Variants in ALPL observed in about 807,000 individuals in gnomAD.
ALPL encodes alkaline phosphatase, biomineralization associated.
Under a neutral mutation model 51.3 loss-of-function variants are expected in ALPL, and 42 were observed. That is an observed-to-expected ratio of 0.82 (90% CI 0.64 to 1.06). The LOEUF (loss-of-function observed/expected upper bound fraction) is 1.06. Ranked by LOEUF, ALPL falls within the 50% of genes least tolerant of loss-of-function variation. The probability of loss-of-function intolerance (pLI) is 0.00; values close to 1 mark genes in which losing one functional copy is unlikely to be tolerated. For missense variants in ALPL, 589 were observed against 709.4 expected (o/e 0.83, Z 1.93); for synonymous variants, 279 against 296.4 (o/e 0.94, Z 0.60).
In ALPL at chr1:21,564,069, G is replaced by A. The variant is rs1360689966; in HGVS notation, c.501G>A (p.Thr167=). ...AGKSVGIVTT[T]RVNHATPSAA... is the part of the protein sequence containing the mutation. ...AATCTGTGGGCATTGTGACCACCACGAGAGTGAACCATGCCACCCCCAGCG... is the reference window on the plus strand; with the variant it reads ...AATCTGTGGGCATTGTGACCACCACAAGAGTGAACCATGCCACCCCCAGCG... The change falls in exon 6 of 12, where the codon ACG becomes ACA. Residue 167 remains threonine, a synonymous_variant. Coordinates refer to ENST00000374840, the MANE Select transcript of ALPL (RefSeq NM_000478.6). This position sits in a 1 kb window ranked among gnomAD's most constrained non-coding sequence, Gnocchi z 5.8. 2.0e-5 allele frequency: 32 copies of A among 1,613,868 alleles called. No homozygotes were observed. Among genetic ancestry groups the A allele is most frequent in the South Asian group, 6.6e-5 (6 of 91,088 alleles).
intron 1 of ALPL, among the ~76,000 whole-genome samples, chr1:21,514,262 A>G (rs1037629788): frequency 1.3e-5 from 2 of 152,106 alleles, no homozygotes; most frequent in Non-Finnish European, 2.9e-5. Context: ...GGGGACAGGC[A>G]TCGCTGGGTA....
chr1:21,524,603 G>C (rs1483478015), intron 1 of ALPL, among the ~76,000 whole-genome samples: 1 of 152,186 alleles, frequency 6.6e-6, no homozygotes, highest in Non-Finnish European at 1.5e-5. Context: ...ATTGGAACCC[G>C]GGCAGCCTTG....
intron 1 of ALPL, among the ~76,000 whole-genome samples, chr1:21,520,497 T>C (rs551214997): frequency 1.4e-5 from 2 of 138,710 alleles, no homozygotes; most frequent in Admixed American, 7.8e-5. Context: ...AGACGGAGTC[T>C]CGCCCTGTCG....
At position 21,554,823 on chromosome 1, in the gene ALPL, TTC is replaced by T. The variant is rs1367052056; in HGVS notation, c.61+683_61+684del. ...TGTCTGTCTGTCTGTCTGTCTTTCT[TTC>T]TTTCTTTCTTTCTTTCTTTCTTTCT... On this transcript the variant is annotated intron_variant, in intron 2 of 11. Coordinates refer to ENST00000374840, the MANE Select transcript of ALPL (RefSeq NM_000478.6). 1.7e-4 allele frequency among the ~76,000 whole-genome samples: 18 copies of T among 102,902 alleles called. 2 individuals carry two copies. The East Asian group carries it at 3.4e-3, about 19-fold the overall frequency. 67.5% of individuals were successfully genotyped at this position (102,902 alleles called of 152,430 possible). A position where few individuals can be genotyped will look rare whatever the true frequency, so the allele number is the denominator to read the frequency against.
intron 5 of ALPL, among the ~76,000 whole-genome samples, chr1:21,563,554 CT>C (rs1486680751): frequency 6.6e-6 from 1 of 152,164 alleles, no homozygotes; most frequent in Non-Finnish European, 1.5e-5. Context: ...ACGTAGCCCC[CT>C]CATAGGGTTG....
At chr1:21,532,655 A>C (rs989700088) in intron 1 of ALPL, among the ~76,000 whole-genome samples, 3 of 152,212 alleles carry the variant, frequency 2.0e-5, no homozygotes, top group Non-Finnish European at 4.4e-5. Flanking sequence ...TGCCCCACCC[A>C]AACCTCTGCG....
intron 1 of ALPL, among the ~76,000 whole-genome samples, chr1:21,541,063 G>A (rs929688520): frequency 1.3e-5 from 2 of 152,230 alleles, no homozygotes; most frequent in East Asian, 1.9e-4. Context: ...TGGAAGGACT[G>A]TCTGCAGCCA....
chr1:21,575,786 G>A lies in ALPL; in HGVS notation c.1051G>A (p.Glu351Lys). The A allele has an allele frequency of 6.2e-7, 1 of 1,614,250 alleles. No individual in the cohort carries two copies. The highest frequency in any genetic ancestry group is 8.5e-7 in the Non-Finnish European group (1 of 1,180,044). The change falls in exon 10 of 12, where the codon GAG (glutamate) becomes AAG (lysine). Residue 351 changes from glutamate to lysine, a missense_variant. Glu to Lys is a moderately conservative substitution (Grantham distance 56). Transcript: ENST00000374840. ...AGGAAAAGCCAAGCAGGCCCTGCAT[G>A]AGGCGGTGGAGATGGACCGGGCCAT... Reference protein sequence around the residue: ...HEGKAKQALHEAVEMDRAIGQ... With the variant: ...HEGKAKQALHKAVEMDRAIGQ...
At position 21,573,729 on chromosome 1, in the gene ALPL, C is replaced by T. The variant is rs762210096; in HGVS notation, c.927C>T (p.Leu309=). The change falls in exon 9 of 12, where the codon CTC becomes CTT. Residue 309 remains leucine, a synonymous_variant. Transcript: ENST00000374840. Reference sequence around the variant, plus strand: ...GGAACAACGTGACGGACCCGTCACTCTCCGAGATGGTGGTGGTGGCCATCC... The same window carrying T: ...GGAACAACGTGACGGACCCGTCACTTTCCGAGATGGTGGTGGTGGCCATCC... ...LNRNNVTDPS[L]SEMVVVAIQI... The T allele has an allele frequency of 3.1e-6, 5 of 1,614,148 alleles. No individual in the cohort carries two copies. The South Asian group carries it at 5.5e-5, about 18-fold the overall frequency.
At chr1:21,527,689 A>G (rs1179835846) in intron 1 of ALPL, among the ~76,000 whole-genome samples, 1 of 151,592 alleles carries the variant, frequency 6.6e-6, no homozygotes, top group Non-Finnish European at 1.5e-5. Context: ...AGCTGGGATT[A>G]GTGGCACCTG....
At chr1:21,542,344 G>A (rs1038769037) in intron 1 of ALPL, among the ~76,000 whole-genome samples, 1 of 152,190 alleles carries the variant, frequency 6.6e-6, no homozygotes, top group Admixed American at 6.5e-5. Flanking sequence ...GACAGGCTAG[G>A]GGATGCTGGC....
At chr1:21,557,895 C>A (rs1644434112) in intron 2 of ALPL, among the ~76,000 whole-genome samples, 4 of 152,180 alleles carry the variant, frequency 2.6e-5, no homozygotes, top group Admixed American at 1.3e-4. Context: ...CCTGTGCCAA[C>A]CCCCTCCCAA....
chr1:21,537,622 G>A (rs1644126951), intron 1 of ALPL, among the ~76,000 whole-genome samples: 1 of 152,224 alleles, frequency 6.6e-6, no homozygotes, highest in Non-Finnish European at 1.5e-5. Flanking sequence ...CCCCACTGAG[G>A]CAGGGCTCCC....
At chr1:21,539,798 G>A (rs556923888) in intron 1 of ALPL, among the ~76,000 whole-genome samples, 1 of 152,104 alleles carries the variant, frequency 6.6e-6, no homozygotes, top group South Asian at 2.1e-4. Flanking sequence ...GGGACTACAG[G>A]TGCCCGCCAC....
rs548978748 is a variant in ALPL at position 21,519,374 on chromosome 1, C to G, written c.-105+9857C>G. ...GCCTCTGCGTCTTTCTCTCAGCTTA[C>G]CATGATCATTTCTCATTGATGAGTG... On this transcript the variant is annotated intron_variant, in intron 1 of 11. Transcript: ENST00000374840. Among the ~76,000 whole-genome samples the G allele has an allele frequency of 9.2e-5, 14 of 152,360 alleles. No homozygotes were observed. In the South Asian group the frequency reaches 2.9e-3, roughly 32 times the overall value.
intron 1 of ALPL, among the ~76,000 whole-genome samples, chr1:21,537,138 T>C (rs2651407): frequency 0.93 from 142,159 of 152,134 alleles, 66,595 homozygotes; most frequent in East Asian, 1. Flanking sequence ...CCTTGTGATC[T>C]GCCCGCCTCG....
At chr1:21,531,914 A>G (rs868617455) in intron 1 of ALPL, among the ~76,000 whole-genome samples, 33 of 147,302 alleles carry the variant, frequency 2.2e-4, no homozygotes, top group Middle Eastern at 6.9e-3. Context: ...CCCTACACAC[A>G]CTAGTTTAAA....
At chr1:21,552,226 G>A (rs1468834029) in intron 1 of ALPL, among the ~76,000 whole-genome samples, 3 of 147,202 alleles carry the variant, frequency 2.0e-5, no homozygotes, top group African/African-American at 7.5e-5. Flanking sequence ...GCTCACACCT[G>A]TAATCCCAGC....
intron 10 of ALPL, 79 bp from the exon 11 acceptor site, chr1:21,576,443 C>T (rs1454530382): frequency 1.3e-6 from 2 of 1,570,846 alleles, no homozygotes; most frequent in East Asian, 2.3e-5. Context: ...TACCAAGCCA[C>T]CAAGGAGCCT....
Sources: allele counts gnomAD v4.1 joint callset (sites outside exome capture counted in the v4.1 genomes callset), GRCh38; gene constraint gnomAD v4.1.1; non-coding constraint Gnocchi (gnomAD v3.1); transcripts MANE v1.5; gene names NCBI Gene and HGNC (gene_info 2026-07-23, HGNC 2026-07-21).